ST8SIA2: variants seen among roughly 807,000 people sequenced by gnomAD.
ST8SIA2 encodes alpha-2,8-sialyltransferase 8B.
Under a neutral mutation model 37.6 loss-of-function variants are expected in ST8SIA2, and 22 were observed. The observed-to-expected ratio is 0.58, with a 90% CI of 0.42 to 0.83. ST8SIA2 has a LOEUF of 0.83. ST8SIA2 is among the 40% of genes least tolerant of loss of function. The probability of loss-of-function intolerance (pLI) is 0.00; values close to 1 mark genes in which losing one functional copy is unlikely to be tolerated. For synonymous variants in ST8SIA2, 205 were observed against 201.2 expected, an observed-to-expected ratio of 1.02 and a Z score of -0.16; for missense variants, 382 against 484.7, an observed-to-expected ratio of 0.79 and a Z score of 1.99.
At chr15:92,433,034 G>T (rs2049728064) in intron 2 of ST8SIA2, among the ~76,000 whole-genome samples, 1 of 152,032 alleles carries the variant, frequency 6.6e-6, no homozygotes, top group African/African-American at 2.4e-5. Flanking sequence ...GGAGGCTGAG[G>T]CAGGAGAATT....
intron 1 of ST8SIA2, chr15:92,420,852 C>G (rs745648838): frequency 1.3e-5 from 2 of 152,218 alleles, no homozygotes; most frequent in African/African-American, 2.4e-5. Context: ...GTCTCAGTAT[C>G]TATGAGGTTC....
chr15:92,398,357 T>C (rs546167752), intron 1 of ST8SIA2, among the ~76,000 whole-genome samples: 3 of 152,348 alleles, frequency 2.0e-5, no homozygotes, highest in Admixed American at 6.5e-5. Flanking sequence ...CTAATCCTCA[T>C]ATTAGTTCCT....
At chr15:92,457,265 G>A (rs762724877) in intron 5 of ST8SIA2, among the ~76,000 whole-genome samples, 211 of 152,300 alleles carry the variant, frequency 1.4e-3, no homozygotes, top group Admixed American at 1.3e-3. Context: ...TTAGCTTCTT[G>A]GAGGAAGCCC....
At chr15:92,397,997 G>A (rs1344306749) in intron 1 of ST8SIA2, among the ~76,000 whole-genome samples, 4 of 152,154 alleles carry the variant, frequency 2.6e-5, no homozygotes, top group African/African-American at 9.7e-5. Context: ...GCCAGGCATG[G>A]TGGCGGGTGC....
intron 1 of ST8SIA2, among the ~76,000 whole-genome samples, chr15:92,424,376 A>T (rs897348963): frequency 2.0e-5 from 3 of 152,154 alleles, no homozygotes; most frequent in African/African-American, 7.2e-5. Context: ...ACGAATTTTC[A>T]ATTAAAAAAT....
At chr15:92,410,589 A>G (rs912047790) in intron 1 of ST8SIA2, among the ~76,000 whole-genome samples, 3 of 152,228 alleles carry the variant, frequency 2.0e-5, no homozygotes, top group African/African-American at 7.2e-5. Flanking sequence ...GGATGTAGAA[A>G]AGCTATTTTC....
chr15:92,412,437 G>T (rs1177763359), intron 1 of ST8SIA2, among the ~76,000 whole-genome samples: 1 of 151,822 alleles, frequency 6.6e-6, no homozygotes, highest in African/African-American at 2.4e-5. Context: ...GGGAAGATTG[G>T]GATCCTCTAA....
Position 92,394,078 on chromosome 15 carries a change from T to G in ST8SIA2, c.14T>G (p.Phe5Cys), listed in dbSNP as rs1486827255. The change falls in exon 1 of 6, where the codon TTC becomes TGC. Residue 5 changes from phenylalanine to cysteine, a missense_variant. Physicochemically the swap from Phe to Cys is radical, Grantham distance 205. Transcript: ENST00000268164. MQLQFRSWMLAALTL... is the reference protein window; with the variant it reads MQLQCRSWMLAALTL... ...CGCGAACCCACCATGCAGCTGCAGT[T>G]CCGGAGCTGGATGCTGGCCGCGCTC... 7 of 1,553,446 alleles carry G rather than the reference T, an allele frequency of 4.5e-6. No homozygotes were observed. In the South Asian group the frequency reaches 8.3e-5, roughly 18 times the overall value.
In ST8SIA2 at chr15:92,468,598, G is replaced by T. The variant is rs1324257129; in HGVS notation, c.*4213G>T. On this transcript the variant is annotated 3_prime_UTR_variant, in exon 6 of 6. Coordinates refer to ENST00000268164, the MANE Select transcript of ST8SIA2 (RefSeq NM_006011.4). ...ATAGTTATTTGTGCACTTGTCCTTT[G>T]ACTGTTCTTAGACTGTAAGCTTGCC... 1 of 152,648 alleles carries T rather than the reference G, an allele frequency of 6.6e-6. No homozygotes were observed. The highest frequency in any genetic ancestry group is 1.5e-5 in the Non-Finnish European group (1 of 68,072). 9.5% of individuals were successfully genotyped at this position (152,648 alleles called of 1,614,324 possible).
At chr15:92,426,989 G>A (rs968514011) in intron 1 of ST8SIA2, among the ~76,000 whole-genome samples, 3 of 152,182 alleles carry the variant, frequency 2.0e-5, no homozygotes, top group African/African-American at 4.8e-5. Context: ...AACTACTCGG[G>A]ATGCTGAAGC....
chr15:92,456,175 G>A (rs936139862), intron 5 of ST8SIA2, among the ~76,000 whole-genome samples: 11 of 152,210 alleles, frequency 7.2e-5, no homozygotes, highest in African/African-American at 2.2e-4. Flanking sequence ...GGCGGGGCCC[G>A]CCATGTAGCA....
At chr15:92,409,131 G>A (rs1000854937) in intron 1 of ST8SIA2, among the ~76,000 whole-genome samples, 2 of 152,168 alleles carry the variant, frequency 1.3e-5, no homozygotes, top group Non-Finnish European at 2.9e-5. Context: ...GGGCTCTGAG[G>A]TCTCGTGCAC....
chr15:92,427,512 T>G lies in ST8SIA2; in HGVS notation c.99-2537T>G, dbSNP rs371594868. On this transcript the variant is annotated intron_variant, in intron 1 of 5. Coordinates refer to ENST00000268164, the MANE Select transcript of ST8SIA2 (RefSeq NM_006011.4). ...AGGTTTGCTTTTAGTACAAGCCAAA[T>G]TTTGGATTTTTATAAAGTTAAATCT... 2.8e-4 allele frequency among the ~76,000 whole-genome samples: 43 copies of G among 152,300 alleles called. No individual in the cohort carries two copies. In the South Asian group the frequency reaches 8.3e-3, roughly 29 times the overall value.
chr15:92,435,677 T>C (rs114662173), intron 3 of ST8SIA2, among the ~76,000 whole-genome samples: 1,582 of 152,232 alleles, frequency 0.01, 23 homozygotes, highest in African/African-American at 0.035. Context: ...TCTGGGGACC[T>C]AGCAGCTGAG....
At chr15:92,421,730 G>A (rs904014731) in intron 1 of ST8SIA2, among the ~76,000 whole-genome samples, 1 of 152,218 alleles carries the variant, frequency 6.6e-6, no homozygotes, top group East Asian at 1.9e-4. Flanking sequence ...TGCTTTAAAG[G>A]TAGAAGGTAA....
chr15:92,395,975 T>C lies in ST8SIA2; in HGVS notation c.98+1813T>C, dbSNP rs1221372890. 2.6e-5 allele frequency among the ~76,000 whole-genome samples: 4 copies of C among 152,248 alleles called. No homozygotes were observed. In the East Asian group the frequency reaches 5.8e-4, roughly 22 times the overall value. ...AATCAGGAGATCACTTTGCACATAA[T>C]GTTGCACTTTCTTGCCAAATGCACG... On this transcript the variant is annotated intron_variant, in intron 1 of 5. Transcript: ENST00000268164.
At chr15:92,401,488 G>A (rs567054092) in intron 1 of ST8SIA2, among the ~76,000 whole-genome samples, 4 of 152,182 alleles carry the variant, frequency 2.6e-5, no homozygotes, top group Non-Finnish European at 4.4e-5. Context: ...ACTTCGCGAC[G>A]ATGGCAAGGA....
chr15:92,421,447 A>G (rs949654073), intron 1 of ST8SIA2: 3 of 152,238 alleles, frequency 2.0e-5, no homozygotes, highest in African/African-American at 7.2e-5. Flanking sequence ...GAAAAATTCA[A>G]AAGAAGAATA....
At chr15:92,417,522 TC>T (rs1164064665) in intron 1 of ST8SIA2, 1 of 152,096 alleles carries the variant, frequency 6.6e-6, no homozygotes, top group Non-Finnish European at 1.5e-5. Flanking sequence ...GTCTTTCAAG[TC>T]CCCTCGAGGC....
Sources: allele counts gnomAD v4.1 joint callset (sites outside exome capture counted in the v4.1 genomes callset), GRCh38; gene constraint gnomAD v4.1.1; transcripts MANE v1.5; gene names NCBI Gene and HGNC (gene_info 2026-07-23, HGNC 2026-07-21).